PCDHA6: variants seen among roughly 807,000 people sequenced by gnomAD.
PCDHA6 encodes the protein protocadherin alpha 6.
PCDHA6 carries 55 observed loss-of-function variants against 60.3 expected under a neutral mutation model. The ratio of observed to expected loss-of-function variants is 0.91; its 90% CI spans 0.73 to 1.14. PCDHA6 has a LOEUF of 1.14. Among genes scored for constraint, PCDHA6 ranks in the 50% most tolerant of loss-of-function variants. The pLI is 0.00. For synonymous variants in PCDHA6, 652 were observed against 557.9 expected (o/e 1.17, Z -2.38); for missense variants, 1,327 against 1,256.5 (o/e 1.06, Z -0.85).
intron 3 of PCDHA6, among the ~76,000 whole-genome samples, chr5:140,997,706 A>G (rs1387378770): frequency 3.3e-5 from 5 of 151,686 alleles, no homozygotes; most frequent in African/African-American, 1.2e-4. Flanking sequence ...GTATGTTAAC[A>G]AACACCTTTC....
intron 3 of PCDHA6, among the ~76,000 whole-genome samples, chr5:140,989,551 C>T (rs964653534): frequency 2.0e-5 from 3 of 152,178 alleles, no homozygotes; most frequent in African/African-American, 4.8e-5. Flanking sequence ...AATTCCTTTA[C>T]GTTTTGTGGC....
At chr5:140,876,033 T>A in intron 1 of PCDHA6, 1 of 1,613,668 alleles carries the variant, frequency 6.2e-7, no homozygotes, top group South Asian at 1.1e-5. Context: ...CAAAAAAAGA[T>A]AAAAGTATAT....
chr5:140,928,893 T>C (rs1554206469), intron 1 of PCDHA6: 1 of 1,614,052 alleles, frequency 6.2e-7, no homozygotes, highest in African/African-American at 1.3e-5. Flanking sequence ...TTCCAGACTT[T>C]GAAGATGTCT....
intron 1 of PCDHA6, chr5:140,876,095 T>C (rs781801828): frequency 4.3e-6 from 7 of 1,613,928 alleles, no homozygotes; most frequent in Non-Finnish European, 5.9e-6. Context: ...ACGCCAAAAC[T>C]CAATTTATTG....
rs1563185469 is a variant in PCDHA6 at position 140,941,211 on chromosome 5, CTTCCTTT to C, written c.2395-37737_2395-37731del. On this transcript the variant is annotated intron_variant, in intron 1 of 3. Coordinates refer to ENST00000529310, the MANE Select transcript of PCDHA6 (RefSeq NM_018909.4). The stretch of plus-strand genomic sequence containing the variant: ...TTTTTTTTTCTTTCTTCCTTTCTTT[CTTCCTTT>C]CTTTCTTTCTTTCTTTCTTTCTTTC... Among the ~76,000 whole-genome samples, 1,009 of 129,652 alleles carry C rather than the reference CTTCCTTT, an allele frequency of 7.8e-3. 14 individuals are homozygous for C. Among genetic ancestry groups the C allele is most frequent in the Middle Eastern group, 0.036 (9 of 248 alleles). 85.1% of individuals were successfully genotyped at this position (129,652 alleles called of 152,430 possible).
intron 1 of PCDHA6, chr5:140,850,598 C>T (rs1358773904): frequency 1.9e-6 from 3 of 1,598,576 alleles, no homozygotes; most frequent in Middle Eastern, 1.7e-4. Context: ...TGTACCTGAT[C>T]ATCGCCATCT....
chr5:140,852,737 C>T (rs980998080), intron 1 of PCDHA6: 2 of 983,692 alleles, frequency 2.0e-6, no homozygotes, highest in Non-Finnish European at 1.2e-6. Flanking sequence ...GTTTCATGTG[C>T]CATTTAAACT....
Position 140,842,580 on chromosome 5 carries a change from C to G in PCDHA6, c.2394+12095C>G. ...GCCCTGGACCGCGAGAGAGTGTCGG[C>G]CTATGAGTTGGTGGTAACCGCGCGG... On this transcript the variant is annotated intron_variant, in intron 1 of 3. Coordinates refer to ENST00000529310, the MANE Select transcript of PCDHA6 (RefSeq NM_018909.4). 1 of 1,517,750 alleles carries G rather than the reference C, an allele frequency of 6.6e-7. No homozygotes were observed. The highest frequency in any genetic ancestry group is 9.0e-7 in the Non-Finnish European group (1 of 1,116,480). The allele number at this position is 1,517,750 out of a possible 1,614,324, so 94.0% of individuals were successfully genotyped here. A position where few individuals can be genotyped will look rare whatever the true frequency, so the allele number is the denominator to read the frequency against.
chr5:140,856,771 T>A, intron 1 of PCDHA6: 1 of 1,596,918 alleles, frequency 6.3e-7, no homozygotes, highest in Non-Finnish European at 8.6e-7. Flanking sequence ...CCCCTATCTT[T>A]GACAGACCGG....
intron 1 of PCDHA6, chr5:140,860,608 A>G (rs1266938252): frequency 6.6e-6 from 1 of 152,266 alleles, no homozygotes; most frequent in African/African-American, 2.4e-5. Flanking sequence ...GCTCACAAAG[A>G]GAAACATAAA....
chr5:140,933,137 A>C (rs1378585369), intron 1 of PCDHA6, among the ~76,000 whole-genome samples: 1 of 151,994 alleles, frequency 6.6e-6, no homozygotes, highest in African/African-American at 2.4e-5. Context: ...ATAAAGGTAG[A>C]TAGCCACTCA....
In PCDHA6 at chr5:140,946,631, T is replaced by TATATATATATATACAC. The variant is rs57893927; in HGVS notation, c.2395-32317_2395-32316insTATATATATATACACA. ...TGTGAAATATATATATATATATATA[T>TATATATATATATACAC]ACAATGGAATACTCATCAGCCATTA... On this transcript the variant is annotated intron_variant, in intron 1 of 3. Coordinates refer to ENST00000529310, the MANE Select transcript of PCDHA6 (RefSeq NM_018909.4). Among the ~76,000 whole-genome samples the TATATATATATATACAC allele has an allele frequency of 4.3e-4, 57 of 131,850 alleles. 1 individual carries two copies. Among genetic ancestry groups the TATATATATATATACAC allele is most frequent in the East Asian group, 1.6e-3 (8 of 4,866 alleles). The allele number at this position is 131,850 out of a possible 152,430, so 86.5% of individuals were successfully genotyped here.
intron 1 of PCDHA6, chr5:140,859,976 T>C (rs2046117770): frequency 6.6e-6 from 1 of 151,980 alleles, no homozygotes; most frequent in African/African-American, 2.4e-5. Context: ...GGTATACAAG[T>C]GCATTAATCT....
intron 3 of PCDHA6, among the ~76,000 whole-genome samples, chr5:140,988,180 G>C (rs2097285964): frequency 1.3e-5 from 2 of 152,134 alleles, no homozygotes; most frequent in Admixed American, 1.3e-4. Context: ...TGACAGTCCT[G>C]GGAGGTGTGT....
rs1412430465 is a variant in PCDHA6 at position 141,010,516 on chromosome 5, A to C, written c.*579A>C. On this transcript the variant is annotated 3_prime_UTR_variant, in exon 4 of 4. Transcript: ENST00000529310. ...CCAGACTTTCTAAATCTTACAACTC[A>C]AGAGGTGGCAGCCACCCTCTAGGAG... 4.2e-6 allele frequency: 2 copies of C among 477,698 alleles called. No individual in the cohort carries two copies. The highest frequency in any genetic ancestry group is 7.8e-5 in the Admixed American group (2 of 25,754). The allele number at this position is 477,698 out of a possible 1,614,324, so 29.6% of individuals were successfully genotyped here.
intron 1 of PCDHA6, chr5:140,848,340 A>C (rs1781459761): frequency 3.4e-6 from 3 of 893,920 alleles, no homozygotes; most frequent in Admixed American, 2.4e-5. Flanking sequence ...ATCCAGACAA[A>C]TACAGCCCTT....
In PCDHA6 at chr5:140,841,358, C is replaced by A. The variant is rs2150314140; in HGVS notation, c.2394+10873C>A. ...CTGGCGAGGAGAGCTGGGATCCTGGCGACTACTACTCTTGCTTCTGCTCCT... is the reference window on the plus strand; with the variant it reads ...CTGGCGAGGAGAGCTGGGATCCTGGAGACTACTACTCTTGCTTCTGCTCCT... On this transcript the variant is annotated intron_variant, in intron 1 of 3. Coordinates refer to ENST00000529310, the MANE Select transcript of PCDHA6 (RefSeq NM_018909.4). 11 of 1,612,868 alleles carry A rather than the reference C, an allele frequency of 6.8e-6. No homozygotes were observed. In the Admixed American group the frequency reaches 1.2e-4, roughly 17 times the overall value.
chr5:140,842,962 C>T lies in PCDHA6; in HGVS notation c.2394+12477C>T, dbSNP rs1554139576. 1.9e-6 allele frequency: 3 copies of T among 1,594,834 alleles called. 1 individual carries two copies. The African/African-American group carries it at 4.0e-5, about 21-fold the overall frequency. On this transcript the variant is annotated intron_variant, in intron 1 of 3. Transcript: ENST00000529310. ...ACGCGGGCGTGCCGCCTCTGGGCAG[C>T]AACGTGACGCTGCAGGTGTTCGTGC...
At position 140,828,625 on chromosome 5, in the gene PCDHA6, C is replaced by T. The variant is rs1202747267; in HGVS notation, c.534C>T (p.Phe178=). ...ATAAACTCAGTTCTAGCGAATACTTCGGGCTAGATGTGAAAATAAACAGTG... is the reference window on the plus strand; with the variant it reads ...ATAAACTCAGTTCTAGCGAATACTTTGGGCTAGATGTGAAAATAAACAGTG... ...LTYKLSSSEY[F]GLDVKINSDD... The change falls in exon 1 of 4, where the codon TTC becomes TTT. Residue 178 remains phenylalanine, a synonymous_variant. Coordinates refer to ENST00000529310, the MANE Select transcript of PCDHA6 (RefSeq NM_018909.4). 3.1e-6 allele frequency: 5 copies of T among 1,614,096 alleles called. No individual in the cohort carries two copies. Among genetic ancestry groups the T allele is most frequent in the African/African-American group, 1.3e-5 (1 of 75,040 alleles).
Sources: gnomAD v4.1 joint callset for allele counts (sites outside exome capture counted in the v4.1 genomes callset) on GRCh38, gnomAD v4.1.1 for gene constraint, MANE v1.5 for transcripts, NCBI Gene and HGNC (gene_info 2026-07-23, HGNC 2026-07-21) for gene names.